The following ANKAR variants were observed in gnomAD, a reference collection of about 807,000 sequenced individuals.
ANKAR encodes the protein ankyrin and armadillo repeat-containing protein.
Under a neutral mutation model 146.2 loss-of-function variants are expected in ANKAR, and 136 were observed. The ratio of observed to expected loss-of-function variants is 0.93; its 90% confidence interval spans 0.81 to 1.07. ANKAR has a LOEUF of 1.07. ANKAR is among the 50% of genes least tolerant of loss of function. The probability of loss-of-function intolerance (pLI) is 0.00; values close to 1 mark genes in which losing one functional copy is unlikely to be tolerated. For missense variants in ANKAR, 1,567 were observed against 1,679.9 expected, an observed-to-expected ratio of 0.93 and a Z score of 1.18; for synonymous variants, 500 against 575.8, an observed-to-expected ratio of 0.87 and a Z score of 1.88.
intron 18 of ANKAR, chr2:189,754,690 T>G: frequency 4.1e-6 from 1 of 243,430 alleles, no homozygotes; most frequent in South Asian, 7.3e-5. Flanking sequence ...AGCAGTGTTT[T>G]GTTTGTTTGT....
At chr2:189,730,733 G>C (rs1017803429) in intron 16 of ANKAR, 132 bp downstream of exon 16, 35 of 436,270 alleles carry the variant, frequency 8.0e-5, no homozygotes, top group Middle Eastern at 6.4e-4. Flanking sequence ...ATTTTTCTTG[G>C]AGAAATAAGC....
intron 7 of ANKAR, among the ~76,000 whole-genome samples, chr2:189,702,113 T>C (rs1406083365): frequency 6.6e-6 from 1 of 152,078 alleles, no homozygotes; most frequent in African/African-American, 2.4e-5. Context: ...CTTGCCTAGG[T>C]AGGTTAGGTT....
At chr2:189,729,695 CGTGTGTGT>C (rs139823318) in intron 15 of ANKAR, among the ~76,000 whole-genome samples, 3 of 94,206 alleles carry the variant, frequency 3.2e-5, no homozygotes, top group African/African-American at 9.0e-5. Context: ...ATCAGCTGTG[CGTGTGTGT>C]GTGTGTGTGT....
chr2:189,679,350 A>T (rs1213043433), intron 2 of ANKAR, among the ~76,000 whole-genome samples: 1 of 152,152 alleles, frequency 6.6e-6, no homozygotes, highest in East Asian at 1.9e-4. Flanking sequence ...TATGGCATCT[A>T]AGAGGTTTTT....
At chr2:189,697,584 C>T (rs2037404789) in intron 7 of ANKAR, among the ~76,000 whole-genome samples, 1 of 152,010 alleles carries the variant, frequency 6.6e-6, no homozygotes, top group Non-Finnish European at 1.5e-5. Context: ...ATATTCAATA[C>T]ATAATACATA....
In ANKAR at chr2:189,677,032, T is replaced by C. The variant is rs777888017; in HGVS notation, c.542T>C (p.Ile181Thr). The change falls in exon 2 of 23, where the codon ATT becomes ACT. Residue 181 changes from isoleucine (I) to threonine (T), a missense_variant. By Grantham distance (89) the Ile-to-Thr change is moderately conservative. Transcript: ENST00000684021. ...GAATTGTGGCGTGCCATCATGGACA[T>C]TGATCCTGATGGAAAACCTCAAACA... ...FSELWRAIMD[I>T]DPDGKPQTNK... 1 of 1,604,086 alleles carries C rather than the reference T, an allele frequency of 6.2e-7. No individual in the cohort carries two copies. The highest frequency in any genetic ancestry group is 1.1e-5 in the South Asian group (1 of 89,908).
chr2:189,738,476 A>T (rs1013167861), intron 18 of ANKAR, 89 bp from the exon 19 acceptor site: 51 of 680,646 alleles, frequency 7.5e-5, no homozygotes, highest in Admixed American at 4.1e-4. Flanking sequence ...CAAAAGAATT[A>T]AAAAAAAAAC....
chr2:189,752,939 C>A (rs1253505956), intron 18 of ANKAR: 1 of 1,613,150 alleles, frequency 6.2e-7, no homozygotes, highest in Middle Eastern at 1.7e-4. Flanking sequence ...TTCCAGAGCT[C>A]TGCGGATATA....
At chr2:189,755,041 T>C (rs900622477) in intron 18 of ANKAR, 6 of 1,042,008 alleles carry the variant, frequency 5.8e-6, no homozygotes, top group East Asian at 2.6e-5. Flanking sequence ...TTTCTCACCA[T>C]ATGTGAATTT....
At chr2:189,694,211 CAG>C (rs200860523) in intron 5 of ANKAR, among the ~76,000 whole-genome samples, 5,257 of 152,114 alleles carry the variant, frequency 0.035, 105 homozygotes, top group South Asian at 0.068. Context: ...GCCTTGGCAA[CAG>C]AGTAAGACCT....
intron 10 of ANKAR, among the ~76,000 whole-genome samples, chr2:189,713,042 A>T (rs2039926253): frequency 7.1e-6 from 1 of 141,000 alleles, no homozygotes; most frequent in Non-Finnish European, 1.5e-5. Flanking sequence ...AGATCAAATT[A>T]ATGAAATAAA....
intron 16 of ANKAR, among the ~76,000 whole-genome samples, chr2:189,731,284 A>G (rs1475568395): frequency 2.0e-5 from 3 of 152,204 alleles, no homozygotes; most frequent in African/African-American, 7.2e-5. Context: ...TTTATTTTCA[A>G]AATTTGGTAT....
At position 189,693,166 on chromosome 2, in the gene ANKAR, T is replaced by G; in HGVS notation, c.1296T>G (p.Phe432Leu). The G allele has an allele frequency of 1.3e-6, 2 of 1,555,040 alleles. No homozygotes were observed. Among genetic ancestry groups the G allele is most frequent in the Non-Finnish European group, 1.8e-6 (2 of 1,142,794 alleles). The change falls in exon 5 of 23, where the codon TTT becomes TTG. Residue 432 changes from phenylalanine to leucine, a missense_variant. Transcript: ENST00000684021. ...ATTACTCAATACCAGTCATGGAATT[T>G]CATGGAAAAAGGTACGGAGCTTTCA... ...KEYYSIPVME[F>L]HGKSYYVIYF...
In ANKAR at chr2:189,696,287, G is replaced by C; in HGVS notation, c.1626G>C (p.Leu542=). Residue 542 remains leucine, a synonymous_variant, in exon 7 of 23, where the codon CTG becomes CTC. Transcript: ENST00000684021. ...AGYTIFHHAA[L]HNRVSIICQL... is the part of the protein sequence containing the mutation. ...ATACTATTTTTCATCATGCTGCCCT[G>C]CACAACAGAGTTTCTATTATATGTC... 1 of 1,614,050 alleles carries C rather than the reference G, an allele frequency of 6.2e-7. No homozygotes were observed. The highest frequency in any genetic ancestry group is 8.5e-7 in the Non-Finnish European group (1 of 1,180,010).
rs1396356393 is a variant in ANKAR, at chr2:189,695,132, C to G, written c.1459C>G (p.Leu487Val). The G allele has an allele frequency of 3.1e-6, 5 of 1,606,498 alleles. No individual in the cohort carries two copies. Among genetic ancestry groups the G allele is most frequent in the East Asian group, 4.5e-5 (2 of 44,720 alleles). The change falls in exon 6 of 23, where the codon CTT becomes GTT. Residue 487 changes from leucine to valine, a missense_variant. Transcript: ENST00000684021. ...AQLHEQFKKK[L>V]GFKRAMKCKS... is the part of the protein sequence containing the mutation. ...ATTACATGAACAATTTAAGAAAAAG[C>G]TTGGTTTCAAAAGAGCTATGAAATG...
At chr2:189,682,085 G>A (rs755142304) in intron 2 of ANKAR, among the ~76,000 whole-genome samples, 2 of 152,106 alleles carry the variant, frequency 1.3e-5, no homozygotes, top group Non-Finnish European at 2.9e-5. Context: ...TGCTGGGTGT[G>A]TTTACAATAG....
chr2:189,733,622 T>C (rs2042596475), intron 17 of ANKAR, among the ~76,000 whole-genome samples: 1 of 152,166 alleles, frequency 6.6e-6, no homozygotes, highest in Non-Finnish European at 1.5e-5. Flanking sequence ...TATGGAAGGA[T>C]AATTTTTTTT....
At chr2:189,703,102 G>A (rs1294211610) in intron 7 of ANKAR, among the ~76,000 whole-genome samples, 1 of 152,156 alleles carries the variant, frequency 6.6e-6, no homozygotes, top group Non-Finnish European at 1.5e-5. Flanking sequence ...AGGTATGAAT[G>A]GTTTTATTGG....
At position 189,746,447 on chromosome 2, in the gene ANKAR, T is replaced by C. The variant is rs1464251537; in HGVS notation, c.4125T>C (p.Pro1375=). ...QPKDSLTLLP[P]VTNFMGLFKA... ...AAGATTCTTTGACTTTATTACCTCC[T>C]GTAACTAACTTCATGGGACTCTTCA... is the stretch of plus-strand genomic sequence containing the variant. The change falls in exon 23 of 23, where the codon CCT becomes CCC. Residue 1375 remains proline, a synonymous_variant. Transcript: ENST00000684021. 1.2e-6 allele frequency: 2 copies of C among 1,612,980 alleles called. No individual in the cohort carries two copies. The highest frequency in any genetic ancestry group is 2.7e-5 in the African/African-American group (2 of 74,880).
Sources: allele counts gnomAD v4.1 joint callset (sites outside exome capture counted in the v4.1 genomes callset), GRCh38; gene constraint gnomAD v4.1.1; transcripts MANE v1.5; gene names NCBI Gene and HGNC (gene_info 2026-07-23, HGNC 2026-07-21).